Variants in PRKACB observed in about 807,000 individuals in gnomAD.
The protein encoded by PRKACB is cAMP-dependent protein kinase catalytic subunit beta.
Under a neutral mutation model 51.4 loss-of-function variants are expected in PRKACB, and 16 were observed. The ratio of observed to expected loss-of-function variants is 0.31; its 90% confidence interval spans 0.21 to 0.47. PRKACB has a LOEUF of 0.47. PRKACB is among the 20% of genes least tolerant of loss of function. The pLI, the probability that PRKACB is intolerant of heterozygous loss-of-function variation, is 1.00. For synonymous variants in PRKACB, 147 were observed against 154.4 expected (o/e 0.95, Z 0.35); for missense variants, 309 against 464.5 (o/e 0.67, Z 3.08).
chr1:84,159,707 A>T (rs1471894541), intron 1 of PRKACB, among the ~76,000 whole-genome samples: 1 of 152,214 alleles, frequency 6.6e-6, no homozygotes, highest in African/African-American at 2.4e-5. Flanking sequence ...TAAATATGAC[A>T]TAAGTATAGA....
At chr1:84,192,966 AC>A (rs1667222118) in intron 5 of PRKACB, among the ~76,000 whole-genome samples, 1 of 152,166 alleles carries the variant, frequency 6.6e-6, no homozygotes, top group Admixed American at 6.6e-5. Context: ...ACAAGCACCA[AC>A]AGAAAATAAA....
chr1:84,218,363 T>G (rs1325655459), intron 9 of PRKACB, among the ~76,000 whole-genome samples: 3 of 152,160 alleles, frequency 2.0e-5, no homozygotes, highest in African/African-American at 7.2e-5. Context: ...ATACGTTACC[T>G]CTAAGAGATC....
At chr1:84,079,081 G>A (rs754527408) in intron 1 of PRKACB, among the ~76,000 whole-genome samples, 1 of 152,068 alleles carries the variant, frequency 6.6e-6, no homozygotes. Flanking sequence ...GAAGGTGCGG[G>A]TACTCCACAC....
chr1:84,161,101 C>A (rs139188085), intron 1 of PRKACB, among the ~76,000 whole-genome samples: 39 of 151,712 alleles, frequency 2.6e-4, no homozygotes, highest in African/African-American at 8.9e-4. Context: ...AAATATTTTT[C>A]TCCTTTCAAT....
In PRKACB at chr1:84,173,363, C is replaced by T. The variant is rs1255752853; in HGVS notation, c.188-5814C>T. 5.8e-6 allele frequency: 9 copies of T among 1,564,692 alleles called. No homozygotes were observed. The African/African-American group carries it at 1.1e-4, about 19-fold the overall frequency. On this transcript the variant is annotated intron_variant, in intron 1 of 9. Coordinates refer to ENST00000370685, the MANE Select transcript of PRKACB (RefSeq NM_182948.4). ...CATCAGATGCATCTGGTAGGAAAACCCCTTTTTTTACAGAATAATTCTGTT... is the reference window on the plus strand; with the variant it reads ...CATCAGATGCATCTGGTAGGAAAACTCCTTTTTTTACAGAATAATTCTGTT...
At chr1:84,196,324 A>G (rs1668233462) in intron 5 of PRKACB, among the ~76,000 whole-genome samples, 1 of 152,224 alleles carries the variant, frequency 6.6e-6, no homozygotes, top group South Asian at 2.1e-4. Flanking sequence ...ATAATTAGAA[A>G]GACATCAATA....
At chr1:84,113,642 C>T (rs1426125756) in intron 1 of PRKACB, among the ~76,000 whole-genome samples, 1 of 152,020 alleles carries the variant, frequency 6.6e-6, no homozygotes, top group African/African-American at 2.4e-5. Context: ...ATTGTTTATC[C>T]ATACAATTCA....
At chr1:84,203,373 A>G (rs921347806) in intron 8 of PRKACB, among the ~76,000 whole-genome samples, 1 of 152,048 alleles carries the variant, frequency 6.6e-6, no homozygotes, top group African/African-American at 2.4e-5. Flanking sequence ...GAGTAGACTT[A>G]CTGTGTTGTA....
chr1:84,140,252 A>G (rs1221911500), upstream of PRKACB, among the ~76,000 whole-genome samples: 2 of 152,210 alleles, frequency 1.3e-5, no homozygotes, highest in Non-Finnish European at 2.9e-5. Context: ...GTGCAAATGC[A>G]ATTCAACAGT....
At chr1:84,202,123 C>T (rs559367432) in intron 7 of PRKACB, among the ~76,000 whole-genome samples, 6 of 152,100 alleles carry the variant, frequency 3.9e-5, no homozygotes, top group African/African-American at 1.4e-4. Flanking sequence ...TTGAATTTTA[C>T]ATTAAACTTT....
chr1:84,108,073 A>G (rs777028632), intron 1 of PRKACB, among the ~76,000 whole-genome samples: 8 of 152,190 alleles, frequency 5.3e-5, no homozygotes, highest in Non-Finnish European at 1.2e-4. Context: ...CATGGAGTCA[A>G]CCTAAATGTC....
At position 84,122,977 on chromosome 1, in the gene PRKACB, C is replaced by A. The variant is rs565574531; in HGVS notation, c.46+44606C>A. On this transcript the variant is annotated intron_variant, in intron 1 of 8. Transcript: ENST00000370688. ...GGTATGTATGTGAAGCCTAAATGGCCCCATTCTGCCACCTTCTGGCTGACT... is the reference window on the plus strand; with the variant it reads ...GGTATGTATGTGAAGCCTAAATGGCACCATTCTGCCACCTTCTGGCTGACT... Among the ~76,000 whole-genome samples, 3 of 152,068 alleles carry A rather than the reference C, an allele frequency of 2.0e-5. No homozygotes were observed. The South Asian group carries it at 6.2e-4, about 32-fold the overall frequency.
At chr1:84,205,379 T>C in intron 8 of PRKACB, 1 of 628,898 alleles carries the variant, frequency 1.6e-6, no homozygotes, top group Non-Finnish European at 2.0e-6. Flanking sequence ...AATTGGAAAC[T>C]AACTAGTTTT....
chr1:84,152,607 T>C (rs954246118), intron 1 of PRKACB, among the ~76,000 whole-genome samples: 5 of 152,218 alleles, frequency 3.3e-5, no homozygotes, highest in South Asian at 2.1e-4. Flanking sequence ...TTTTATGTTA[T>C]AGAAAGGGCT....
At chr1:84,153,158 A>T (rs946539264) in intron 1 of PRKACB, among the ~76,000 whole-genome samples, 2 of 152,108 alleles carry the variant, frequency 1.3e-5, no homozygotes, top group Non-Finnish European at 2.9e-5. Flanking sequence ...CACAACCCTT[A>T]TCAATTAAGC....
At chr1:84,190,811 C>T (rs551841081) in intron 5 of PRKACB, among the ~76,000 whole-genome samples, 1 of 152,010 alleles carries the variant, frequency 6.6e-6, no homozygotes, top group African/African-American at 2.4e-5. Context: ...TTTGTCTTTC[C>T]TGATCATTTA....
intron 9 of PRKACB, among the ~76,000 whole-genome samples, chr1:84,223,232 C>G (rs967663374): frequency 1.3e-5 from 2 of 152,004 alleles, no homozygotes; most frequent in Non-Finnish European, 2.9e-5. Context: ...TTTGGTGGGT[C>G]TGTCTGAATT....
intron 1 of PRKACB, chr1:84,085,778 C>T (rs1268862948): frequency 2.9e-6 from 1 of 349,364 alleles, no homozygotes. Flanking sequence ...TTCCTGGCCT[C>T]AGTCGTCTCC....
intron 1 of PRKACB, among the ~76,000 whole-genome samples, chr1:84,097,843 A>G (rs1557924560): frequency 6.6e-6 from 1 of 152,084 alleles, no homozygotes; most frequent in Non-Finnish European, 1.5e-5. Context: ...CCTTTTTGTT[A>G]TATTCAGGCC....
Sources: gnomAD v4.1 joint callset for allele counts (sites outside exome capture counted in the v4.1 genomes callset) on GRCh38, gnomAD v4.1.1 for gene constraint, MANE v1.5 for transcripts, NCBI Gene and HGNC (gene_info 2026-07-23, HGNC 2026-07-21) for gene names.